The following DLG1 variants were observed in gnomAD, a reference collection of about 807,000 sequenced individuals.
The protein encoded by DLG1 is disks large homolog 1.
Under a neutral mutation model 123.4 loss-of-function variants are expected in DLG1, and 42 were observed. The observed-to-expected ratio is 0.34, with a 90% confidence interval of 0.27 to 0.44. The LOEUF (loss-of-function observed/expected upper bound fraction) is 0.44, where lower values mean the gene tolerates loss of function less well. Ranked by LOEUF, DLG1 falls within the 20% of genes least tolerant of loss-of-function variation. The pLI, the probability that DLG1 is intolerant of heterozygous loss-of-function variation, is 1.00. For missense variants in DLG1, 942 were observed against 1,082.6 expected (o/e 0.87, Z 1.82); for synonymous variants, 317 against 356.2 (o/e 0.89, Z 1.24).
chr3:197,287,405 T>C (rs932246874), intron 3 of DLG1, among the ~76,000 whole-genome samples: 4 of 152,182 alleles, frequency 2.6e-5, no homozygotes, highest in South Asian at 2.1e-4. Flanking sequence ...ATCTTGGCAA[T>C]AGATTATAAT....
intron 13 of DLG1, among the ~76,000 whole-genome samples, chr3:197,114,405 T>C (rs893897202): frequency 1.2e-4 from 19 of 152,154 alleles, no homozygotes; most frequent in African/African-American, 1.7e-4. Context: ...TTTCGTTAAA[T>C]AGAAACAACA....
chr3:197,193,255 G>C (rs2150246955), intron 5 of DLG1, among the ~76,000 whole-genome samples: 1 of 152,162 alleles, frequency 6.6e-6, no homozygotes, highest in East Asian at 1.9e-4. Context: ...TAACAGATAA[G>C]GAAACCTAAA....
At chr3:197,209,299 A>C (rs1561466749) in intron 4 of DLG1, among the ~76,000 whole-genome samples, 5 of 146,840 alleles carry the variant, frequency 3.4e-5, no homozygotes, top group Admixed American at 1.4e-4. Flanking sequence ...CTAAAGAAAA[A>C]GAGATTTCAA....
intron 11 of DLG1, among the ~76,000 whole-genome samples, chr3:197,120,690 T>C (rs1223696524): frequency 1.3e-5 from 2 of 152,162 alleles, no homozygotes; most frequent in Non-Finnish European, 2.9e-5. Context: ...AGTGGCCAGA[T>C]AGGTAACATA....
At chr3:197,233,256 T>C (rs1346980461) in intron 4 of DLG1, among the ~76,000 whole-genome samples, 1 of 152,246 alleles carries the variant, frequency 6.6e-6, no homozygotes, top group African/African-American at 2.4e-5. Flanking sequence ...CTGAAAGTTA[T>C]AAACGCATTA....
chr3:197,183,511 C>A, intron 5 of DLG1: 1 of 1,401,150 alleles, frequency 7.1e-7, no homozygotes, highest in Non-Finnish European at 9.7e-7. Flanking sequence ...TATATTAAGA[C>A]ATTTTTACAG....
chr3:197,174,005 C>T (rs1004704538), intron 5 of DLG1, among the ~76,000 whole-genome samples: 2 of 152,160 alleles, frequency 1.3e-5, no homozygotes, highest in Non-Finnish European at 2.9e-5. Flanking sequence ...ATCACTTGAA[C>T]CCGGGAGGTG....
At chr3:197,236,068 C>T (rs1301419169) in intron 4 of DLG1, among the ~76,000 whole-genome samples, 1 of 152,122 alleles carries the variant, frequency 6.6e-6, no homozygotes, top group Non-Finnish European at 1.5e-5. Context: ...AATCCCAGTA[C>T]TCTGGGAGCC....
At chr3:197,218,860 G>A (rs1394131592) in intron 4 of DLG1, among the ~76,000 whole-genome samples, 1 of 152,168 alleles carries the variant, frequency 6.6e-6, no homozygotes, top group Admixed American at 6.5e-5. Flanking sequence ...GGCCGGGTGC[G>A]ATGGCTCACG....
intron 5 of DLG1, among the ~76,000 whole-genome samples, chr3:197,180,682 G>A (rs1809757589): frequency 6.6e-6 from 1 of 152,152 alleles, no homozygotes; most frequent in South Asian, 2.1e-4. Context: ...GACTGAAAGG[G>A]GTGAGGAAAT....
intron 4 of DLG1, among the ~76,000 whole-genome samples, chr3:197,254,774 G>A (rs1359489249): frequency 6.6e-6 from 1 of 152,172 alleles, no homozygotes; most frequent in Non-Finnish European, 1.5e-5. Flanking sequence ...TTCAAAGGCT[G>A]AGCGTGGTGG....
chr3:197,110,104 CA>C (rs1399355245), intron 13 of DLG1, among the ~76,000 whole-genome samples: 1 of 152,108 alleles, frequency 6.6e-6, no homozygotes, highest in Non-Finnish European at 1.5e-5. Flanking sequence ...TCCCATCTTT[CA>C]CATACTCCCA....
At position 197,090,912 on chromosome 3, in the gene DLG1, C is replaced by A; in HGVS notation, c.1661G>T (p.Arg554Ile). Reference protein sequence around the residue: ...RTSQKRSLYVRALFDYDKTKD... With the variant: ...RTSQKRSLYVIALFDYDKTKD... ...CATAATTAGAAGTAAAAAAATTTAC[C>A]TGACATAGAGGGATCGCTTCTGGCT... Residue 554 changes from arginine (R) to isoleucine (I), a missense_variant and splice_region_variant, in exon 15 of 25, where the codon AGA (arginine) becomes ATA (isoleucine). Arg to Ile is a moderately conservative substitution (Grantham distance 97, BLOSUM62 -3). Coordinates refer to ENST00000667157, the MANE Select transcript of DLG1 (RefSeq NM_001366207.1). The A allele has an allele frequency of 6.4e-7, 1 of 1,552,370 alleles. No individual in the cohort carries two copies. The highest frequency in any genetic ancestry group is 8.7e-7 in the Non-Finnish European group (1 of 1,143,920).
At chr3:197,241,416 A>C (rs1457230906) in intron 4 of DLG1, among the ~76,000 whole-genome samples, 1 of 152,184 alleles carries the variant, frequency 6.6e-6, no homozygotes, top group African/African-American at 2.4e-5. Flanking sequence ...GGAATTACTC[A>C]ATCTGGAAGA....
At chr3:197,106,216 G>A (rs1347478821) in intron 13 of DLG1, among the ~76,000 whole-genome samples, 1 of 152,148 alleles carries the variant, frequency 6.6e-6, no homozygotes, top group Admixed American at 6.5e-5. Context: ...GACCAGCCTG[G>A]CCAACATGGC....
intron 14 of DLG1, among the ~76,000 whole-genome samples, chr3:197,092,043 C>T (rs1032420549): frequency 3.9e-5 from 6 of 152,008 alleles, no homozygotes; most frequent in Non-Finnish European, 8.8e-5. Flanking sequence ...TTTTACTATC[C>T]TTTCAAAATT....
chr3:197,258,983 C>A (rs138954019), intron 4 of DLG1, among the ~76,000 whole-genome samples: 51 of 152,066 alleles, frequency 3.4e-4, no homozygotes, highest in African/African-American at 1.2e-3. Context: ...GCAAAATAGA[C>A]CCTCTTTTGC....
intron 4 of DLG1, among the ~76,000 whole-genome samples, chr3:197,232,218 A>C (rs1743525284): frequency 6.6e-6 from 1 of 151,910 alleles, no homozygotes; most frequent in Admixed American, 6.6e-5. Flanking sequence ...ATGTGAAAGA[A>C]GACCAGGCAT....
intron 4 of DLG1, among the ~76,000 whole-genome samples, chr3:197,245,407 A>G (rs1013762861): frequency 6.6e-6 from 1 of 152,186 alleles, no homozygotes; most frequent in Non-Finnish European, 1.5e-5. Flanking sequence ...GTATTTTGGT[A>G]TAATCAATTT....
Sources: gnomAD v4.1 joint callset for allele counts (sites outside exome capture counted in the v4.1 genomes callset) on GRCh38, gnomAD v4.1.1 for gene constraint, MANE v1.5 for transcripts, NCBI Gene and HGNC (gene_info 2026-07-23, HGNC 2026-07-21) for gene names.